The following UNC5C variants were observed in gnomAD, a reference collection of about 807,000 sequenced individuals.
The protein encoded by UNC5C is unc-5 netrin receptor C, also known as netrin receptor UNC5C.
A neutral mutation model predicts 99.8 loss-of-function variants in UNC5C; 47 were observed. The ratio of observed to expected loss-of-function variants is 0.47; its 90% confidence interval spans 0.37 to 0.60. The LOEUF is 0.60. Ranked by LOEUF, UNC5C falls within the 20% of genes least tolerant of loss-of-function variation. The pLI is 0.00. For synonymous variants in UNC5C, 487 were observed against 452.2 expected (o/e 1.08, Z -0.98); for missense variants, 1,062 against 1,165.9 (o/e 0.91, Z 1.30).
intron 2 of UNC5C, among the ~76,000 whole-genome samples, chr4:95,317,688 A>G (rs1220809619): frequency 6.6e-6 from 1 of 152,128 alleles, no homozygotes; most frequent in Admixed American, 6.6e-5. Context: ...CCCCGAGTAG[A>G]AGGCAGCAGA....
intron 1 of UNC5C, among the ~76,000 whole-genome samples, chr4:95,441,172 A>T (rs1746940426): frequency 6.6e-6 from 1 of 152,208 alleles, no homozygotes; most frequent in South Asian, 2.1e-4. Context: ...AAAACTGCTT[A>T]AAAAATTAAT....
intron 3 of UNC5C, among the ~76,000 whole-genome samples, chr4:95,290,336 T>C (rs1741396362): frequency 1.1e-5 from 1 of 90,988 alleles, no homozygotes; most frequent in African/African-American, 7.6e-5. Context: ...ATAAAAAGTT[T>C]GGTGGTGTTT....
chr4:95,521,471 G>T lies in UNC5C; in HGVS notation c.124+27263C>A, dbSNP rs185139933. On this transcript the variant is annotated intron_variant, in intron 1 of 15. Transcript: ENST00000453304. ...GACCTCAGGTGATCCACCTGGCTCG[G>T]CCTCCCAAAGTGCTGGGATTACAGG... Among the ~76,000 whole-genome samples the T allele has an allele frequency of 6.4e-3, 974 of 152,096 alleles. 11 individuals carry two copies. The highest frequency in any genetic ancestry group is 0.022 in the African/African-American group (908 of 41,496).
intron 4 of UNC5C, among the ~76,000 whole-genome samples, chr4:95,267,972 C>T: frequency 5.0e-5 from 2 of 40,352 alleles, no homozygotes; most frequent in Non-Finnish European, 1.3e-4. Context: ...TTTTTTGAGA[C>T]GGAGTTCTGC....
chr4:95,306,388 G>C (rs1318442090), intron 2 of UNC5C, among the ~76,000 whole-genome samples: 2 of 151,962 alleles, frequency 1.3e-5, no homozygotes, highest in African/African-American at 2.4e-5. Flanking sequence ...ATTTTTAGTA[G>C]AGATGGGGTT....
intron 1 of UNC5C, among the ~76,000 whole-genome samples, chr4:95,444,620 C>T (rs559289955): frequency 6.6e-6 from 1 of 152,152 alleles, no homozygotes; most frequent in African/African-American, 2.4e-5. Flanking sequence ...CGTGAGGCAC[C>T]GCGCCGGGCC....
At chr4:95,379,146 TAATA>T (rs1744988307) in intron 1 of UNC5C, among the ~76,000 whole-genome samples, 1 of 152,136 alleles carries the variant, frequency 6.6e-6, no homozygotes, top group Non-Finnish European at 1.5e-5. Context: ...GTCTGATCAA[TAATA>T]AATAGGATAC....
chr4:95,533,542 CA>C (rs553257815), intron 1 of UNC5C, among the ~76,000 whole-genome samples: 3 of 151,930 alleles, frequency 2.0e-5, no homozygotes, highest in Non-Finnish European at 2.9e-5. Context: ...AATATGTTTA[CA>C]TTTTTTGTGA....
intron 4 of UNC5C, among the ~76,000 whole-genome samples, chr4:95,259,301 A>G (rs1390983388): frequency 2.0e-5 from 3 of 152,194 alleles, no homozygotes; most frequent in African/African-American, 4.8e-5. Context: ...ACTGTCTGGC[A>G]TACAGTTAAG....
intron 1 of UNC5C, among the ~76,000 whole-genome samples, chr4:95,442,014 A>G (rs1296572339): frequency 2.6e-5 from 4 of 152,228 alleles, no homozygotes; most frequent in Non-Finnish European, 4.4e-5. Context: ...ACTTCCATTC[A>G]GGAGCCCAGT....
rs147924401 is a variant in UNC5C, at chr4:95,195,919, G to C, written c.2136+6812C>G. ...GAGTCCATCAAAAAAAAAAAAGCCA[G>C]GTTATGTTAATACACATTATTTGAT... is the stretch of plus-strand genomic sequence containing the variant. On this transcript the variant is annotated intron_variant, in intron 12 of 15. Coordinates refer to ENST00000453304, the MANE Select transcript of UNC5C (RefSeq NM_003728.4). Among the ~76,000 whole-genome samples the C allele has an allele frequency of 4.0e-4, 59 of 147,976 alleles. No individual in the cohort carries two copies. In the East Asian group the frequency reaches 0.011, roughly 27 times the overall value.
intron 1 of UNC5C, among the ~76,000 whole-genome samples, chr4:95,425,371 G>A (rs946858625): frequency 1.3e-5 from 2 of 152,232 alleles, no homozygotes; most frequent in Non-Finnish European, 2.9e-5. Flanking sequence ...ACCCAGGCTG[G>A]AGTGCAGTGG....
chr4:95,309,449 A>G (rs1742194146), intron 2 of UNC5C, among the ~76,000 whole-genome samples: 1 of 152,164 alleles, frequency 6.6e-6, no homozygotes, highest in Non-Finnish European at 1.5e-5. Flanking sequence ...CATCAAACTA[A>G]AAAGCTTCTG....
intron 1 of UNC5C, among the ~76,000 whole-genome samples, chr4:95,422,066 A>G (rs1219109821): frequency 6.6e-6 from 1 of 152,164 alleles, no homozygotes; most frequent in East Asian, 1.9e-4. Flanking sequence ...AACATGAAAC[A>G]AAAAAGAGAA....
intron 6 of UNC5C, among the ~76,000 whole-genome samples, chr4:95,244,201 A>G (rs1051737960): frequency 5.9e-5 from 9 of 152,260 alleles, no homozygotes; most frequent in Non-Finnish European, 1.3e-4. Flanking sequence ...CAATGAGTGC[A>G]GTAAATTTAT....
chr4:95,453,695 T>G (rs564639307), intron 1 of UNC5C, among the ~76,000 whole-genome samples: 2 of 152,014 alleles, frequency 1.3e-5, no homozygotes, highest in African/African-American at 4.8e-5. Flanking sequence ...AGCCCACCAG[T>G]GATTACTGTC....
At chr4:95,348,952 T>C (rs527326958) in intron 1 of UNC5C, among the ~76,000 whole-genome samples, 15 of 112,266 alleles carry the variant, frequency 1.3e-4, no homozygotes, top group African/African-American at 5.0e-4. Context: ...AATAGAATGA[T>C]GGTTACCAGA....
intron 1 of UNC5C, among the ~76,000 whole-genome samples, chr4:95,502,531 C>T (rs1560486464): frequency 6.6e-6 from 1 of 152,094 alleles, no homozygotes; most frequent in Non-Finnish European, 1.5e-5. Flanking sequence ...CCTCAGCCTC[C>T]CAAAGTGTTG....
At chr4:95,545,101 G>A (rs187564786) in intron 1 of UNC5C, among the ~76,000 whole-genome samples, 3 of 152,110 alleles carry the variant, frequency 2.0e-5, no homozygotes, top group Non-Finnish European at 4.4e-5. Context: ...CCTTAGGGGG[G>A]GTTGCTTAAA....
Sources: gnomAD v4.1 joint callset for allele counts (sites outside exome capture counted in the v4.1 genomes callset) on GRCh38, gnomAD v4.1.1 for gene constraint, MANE v1.5 for transcripts, NCBI Gene and HGNC (gene_info 2026-07-23, HGNC 2026-07-21) for gene names.